Variants in SLC43A2 observed in about 807,000 individuals in gnomAD.
SLC43A2 encodes the protein solute carrier family 43 member 2, also known as large neutral amino acids transporter small subunit 4.
Under a neutral mutation model 63.2 loss-of-function variants are expected in SLC43A2, and 38 were observed. That is an observed-to-expected ratio of 0.60 (90% confidence interval 0.46 to 0.79). The LOEUF (loss-of-function observed/expected upper bound fraction) is 0.79. Among genes scored for constraint, SLC43A2 ranks in the 30% least tolerant of loss-of-function variants. The probability of loss-of-function intolerance (pLI) is 0.00; values close to 1 mark genes in which losing one functional copy is unlikely to be tolerated. For missense variants in SLC43A2, 644 were observed against 756.2 expected (o/e 0.85, Z 1.74); for synonymous variants, 322 against 331.0 (o/e 0.97, Z 0.30).
intron 13 of SLC43A2, 65 bp downstream of exon 13, chr17:1,576,532 T>C (rs1280473134): frequency 2.0e-6 from 3 of 1,536,896 alleles, no homozygotes. Flanking sequence ...GAGGGGGACC[T>C]TGCAGCTCGC....
intron 5 of SLC43A2, among the ~76,000 whole-genome samples, chr17:1,594,813 C>T (rs1490819959): frequency 3.3e-5 from 5 of 151,598 alleles, no homozygotes; most frequent in African/African-American, 4.9e-5. Flanking sequence ...TGGTCTGGAT[C>T]TCCTGACCTC....
chr17:1,613,105 T>C, intron 5 of SLC43A2, 90 bp downstream of exon 5: 1 of 1,200,200 alleles, frequency 8.3e-7, no homozygotes, highest in South Asian at 1.3e-5. Flanking sequence ...TGCAGGCACA[T>C]GGAAGGCAAG....
chr17:1,609,972 C>T (rs535848158), intron 5 of SLC43A2, among the ~76,000 whole-genome samples: 4 of 152,000 alleles, frequency 2.6e-5, no homozygotes, highest in South Asian at 2.1e-4. Context: ...TGCAATGCCG[C>T]GGTCTCGGCT....
At position 1,606,823 on chromosome 17, in the gene SLC43A2, T is replaced by G. The variant is rs578056249; in HGVS notation, c.501+6372A>C. On this transcript the variant is annotated intron_variant, in intron 5 of 13. Coordinates refer to ENST00000301335, the MANE Select transcript of SLC43A2 (RefSeq NM_152346.3). This position sits in a 1 kb window ranked among gnomAD's most constrained non-coding sequence, Gnocchi z 4.7. ...ATGGCACGCGATGGCCCAGGCCCTG[T>G]GCTGCAGGGCCCTGGGAGAGCCAGC... 6.6e-6 allele frequency among the ~76,000 whole-genome samples: 1 copy of G among 152,342 alleles called. No homozygotes were observed. The highest frequency in any genetic ancestry group is 2.1e-4 in the South Asian group (1 of 4,832).
At chr17:1,579,955 CAG>C (rs1206669212) in intron 11 of SLC43A2, among the ~76,000 whole-genome samples, 3 of 150,034 alleles carry the variant, frequency 2.0e-5, no homozygotes, top group African/African-American at 7.4e-5. Context: ...TTTTTGGAGA[CAG>C]AGTCTTGCTG....
chr17:1,615,533 G>GAAAAAA (rs113237456), intron 3 of SLC43A2, among the ~76,000 whole-genome samples: 1 of 113,228 alleles, frequency 8.8e-6, no homozygotes. Context: ...AACTCAAAAG[G>GAAAAAA]AAAAAAAAAA....
chr17:1,584,140 G>A (rs572732919), intron 10 of SLC43A2, among the ~76,000 whole-genome samples: 35 of 152,118 alleles, frequency 2.3e-4, no homozygotes, highest in Non-Finnish European at 4.7e-4. Flanking sequence ...TGATCCACCC[G>A]CCTTGGCCTC....
At position 1,627,731 on chromosome 17, in the gene SLC43A2, G is replaced by A. The variant is rs1264655216; in HGVS notation, c.144C>T (p.Tyr48=). The part of the protein sequence containing the change: ...IMLKSEGFYS[Y]LCTEPENVTN... ...TTGTCTCACCTGGCTCGGTACACAG[G>A]TAGGAGTAAAAGCCCTCTGACTTGA... The change falls in exon 2 of 14, where the codon TAC becomes TAT. Residue 48 remains tyrosine (Y), a synonymous_variant. Transcript: ENST00000301335. 1 of 1,564,344 alleles carries A rather than the reference G, an allele frequency of 6.4e-7. No individual in the cohort carries two copies. The highest frequency in any genetic ancestry group is 8.7e-7 in the Non-Finnish European group (1 of 1,153,478).
In SLC43A2 at chr17:1,605,246, G is replaced by A; in HGVS notation, c.501+7949C>T. Reference sequence around the variant, plus strand: ...GAAGCCCGTGACTCTCTCTCTTTCAGCCCCCTGGCTGCAGCATAAACAGGC... The same window carrying A: ...GAAGCCCGTGACTCTCTCTCTTTCAACCCCCTGGCTGCAGCATAAACAGGC... On this transcript the variant is annotated intron_variant, in intron 5 of 13. Coordinates refer to ENST00000301335, the MANE Select transcript of SLC43A2 (RefSeq NM_152346.3). This position sits in a 1 kb window ranked among gnomAD's most constrained non-coding sequence, Gnocchi z 4.9. 2 of 1,071,950 alleles carry A rather than the reference G, an allele frequency of 1.9e-6. No individual in the cohort carries two copies. The highest frequency in any genetic ancestry group is 2.3e-6 in the Non-Finnish European group (2 of 880,078). The allele number at this position is 1,071,950 out of a possible 1,614,324, so 66.4% of individuals were successfully genotyped here.
At chr17:1,604,707 C>T in intron 5 of SLC43A2, 3 of 1,533,550 alleles carry the variant, frequency 2.0e-6, no homozygotes, top group Middle Eastern at 1.7e-4. Context: ...CCTTCTGAAG[C>T]TCCTTTTAGA....
intron 5 of SLC43A2, among the ~76,000 whole-genome samples, chr17:1,594,028 G>A (rs1311455589): frequency 7.9e-5 from 12 of 152,070 alleles, no homozygotes; most frequent in Middle Eastern, 3.2e-3. Flanking sequence ...TAGTAGAGAC[G>A]GGGTTTCACC....
chr17:1,604,195 TACG>T (rs1906359747), intron 5 of SLC43A2, among the ~76,000 whole-genome samples: 4 of 152,012 alleles, frequency 2.6e-5, no homozygotes, highest in African/African-American at 9.7e-5. Context: ...CATGTGCCAC[TACG>T]CCACGATGCC....
intron 2 of SLC43A2, 139 bp downstream of exon 2, chr17:1,627,576 G>A (rs1300891754): frequency 6.1e-6 from 5 of 825,898 alleles, no homozygotes; most frequent in Non-Finnish European, 9.1e-6. Flanking sequence ...AGGGCTGGGT[G>A]AGGATCAGAT....
rs550681365 is a variant in SLC43A2, at chr17:1,591,396, C to G, written c.804G>C (p.Thr268=). ...TGKQFYKQVT[T]VGRRLSVGSS... ...TGCCCACACTCAGGCGCCGGCCCAC[C>G]GTGGTCACCTGCTTGTAGAACTGCT... is the stretch of plus-strand genomic sequence containing the variant. Residue 268 remains threonine, a synonymous_variant, in exon 8 of 14, where the codon ACG becomes ACC. Transcript: ENST00000301335. 7 of 1,612,970 alleles carry G rather than the reference C, an allele frequency of 4.3e-6. No homozygotes were observed. In the South Asian group the frequency reaches 5.5e-5, roughly 13 times the overall value.
At position 1,606,440 on chromosome 17, in the gene SLC43A2, T is replaced by C. The variant is rs2151065912; in HGVS notation, c.501+6755A>G. Among the ~76,000 whole-genome samples, 1 of 152,310 alleles carries C rather than the reference T, an allele frequency of 6.6e-6. No homozygotes were observed. The highest frequency in any genetic ancestry group is 3.4e-3 in the Middle Eastern group (1 of 294). ...CAGAGAAATGTCTCATCGGGGAGCC[T>C]GGCAACATTTTGAAACCCGCTTTTC... On this transcript the variant is annotated intron_variant, in intron 5 of 13. Transcript: ENST00000301335. The surrounding 1 kb of genome is among the most constrained non-coding windows in gnomAD (Gnocchi z 4.7).
At chr17:1,604,546 T>A in intron 5 of SLC43A2, 1 of 648,342 alleles carries the variant, frequency 1.5e-6, no homozygotes, top group Non-Finnish European at 2.6e-6. Context: ...ACCACACTGA[T>A]GCTGAACTTA....
chr17:1,627,670 G>T, intron 2 of SLC43A2, 45 bp downstream of exon 2: 43 of 491,074 alleles, frequency 8.8e-5, no homozygotes, highest in East Asian at 1.7e-4. Flanking sequence ...CCCTCCCAAA[G>T]CCCCAGCTCC....
At chr17:1,615,290 A>G (rs1300166100) in intron 3 of SLC43A2, among the ~76,000 whole-genome samples, 1 of 151,658 alleles carries the variant, frequency 6.6e-6, no homozygotes, top group African/African-American at 2.4e-5. Flanking sequence ...TTTTATTTTT[A>G]GTGGAGACAG....
chr17:1,586,734 C>T (rs970219906), intron 9 of SLC43A2, among the ~76,000 whole-genome samples: 2 of 152,094 alleles, frequency 1.3e-5, no homozygotes, highest in Non-Finnish European at 2.9e-5. Flanking sequence ...GCTCACGGGG[C>T]TCTGATGTCA....
Sources: gnomAD v4.1 joint callset for allele counts (sites outside exome capture counted in the v4.1 genomes callset) on GRCh38, gnomAD v4.1.1 for gene constraint, Gnocchi (gnomAD v3.1) non-coding constraint, MANE v1.5 for transcripts, NCBI Gene and HGNC (gene_info 2026-07-23, HGNC 2026-07-21) for gene names.